Variants in BARX2 observed in about 807,000 individuals in gnomAD.
BARX2 encodes the protein BARX homeobox 2, also known as homeobox protein BarH-like 2.
BARX2 carries 11 observed loss-of-function variants against 25.5 expected under a neutral mutation model. The ratio of observed to expected loss-of-function variants is 0.43; its 90% CI spans 0.27 to 0.71. The LOEUF (loss-of-function observed/expected upper bound fraction) is 0.71. Ranked by LOEUF, BARX2 falls within the 30% of genes least tolerant of loss-of-function variation. BARX2 has a pLI of 0.19. For missense variants in BARX2, 360 were observed against 359.9 expected (o/e 1.00, Z 0.00); for synonymous variants, 137 against 149.5 (o/e 0.92, Z 0.61).
intron 1 of BARX2, among the ~76,000 whole-genome samples, chr11:129,416,345 C>T (rs1340290030): frequency 6.6e-6 from 1 of 152,084 alleles, no homozygotes; most frequent in Non-Finnish European, 1.5e-5. Context: ...GAAAGACTAC[C>T]AAAATGTTAG....
chr11:129,441,998 T>C (rs1862266936), intron 2 of BARX2, among the ~76,000 whole-genome samples: 3 of 152,208 alleles, frequency 2.0e-5, no homozygotes, highest in Admixed American at 2.0e-4. Flanking sequence ...CTTTGACTTT[T>C]AGGACTTTTC....
intron 1 of BARX2, among the ~76,000 whole-genome samples, chr11:129,432,355 C>T (rs1862139408): frequency 6.6e-6 from 1 of 152,230 alleles, no homozygotes; most frequent in Non-Finnish European, 1.5e-5. Flanking sequence ...AGCCACCACA[C>T]CCAGCCTCAT....
At chr11:129,396,384 C>G (rs1382344079) in intron 1 of BARX2, among the ~76,000 whole-genome samples, 1 of 151,668 alleles carries the variant, frequency 6.6e-6, no homozygotes, top group East Asian at 1.9e-4. Flanking sequence ...CCACTCCTCC[C>G]CACTCACCTT....
chr11:129,447,631 T>C (rs1862346287), intron 3 of BARX2, among the ~76,000 whole-genome samples: 1 of 152,168 alleles, frequency 6.6e-6, no homozygotes. Context: ...TTGCTTGTGC[T>C]GGAATGTTTT....
intron 1 of BARX2, among the ~76,000 whole-genome samples, chr11:129,410,037 T>C (rs1861870417): frequency 3.3e-5 from 5 of 152,196 alleles, no homozygotes; most frequent in African/African-American, 9.7e-5. Context: ...ATCTATAAAA[T>C]GGAATTATTG....
chr11:129,426,639 AGTGCTGGGATTATAGGC>A (rs1171156562), intron 1 of BARX2, among the ~76,000 whole-genome samples: 1 of 152,004 alleles, frequency 6.6e-6, no homozygotes, highest in Non-Finnish European at 1.5e-5. Context: ...AGCCTCCCAA[AGTGCTGGGATTATAGGC>A]GTGAGCCACC....
intron 1 of BARX2, among the ~76,000 whole-genome samples, chr11:129,379,755 T>C (rs1319240952): frequency 7.2e-5 from 11 of 151,792 alleles, no homozygotes. Flanking sequence ...CACATGAAGA[T>C]ACTGATAAAT....
At chr11:129,435,228 T>G (rs1425899775) in intron 1 of BARX2, among the ~76,000 whole-genome samples, 1 of 152,168 alleles carries the variant, frequency 6.6e-6, no homozygotes, top group African/African-American at 2.4e-5. Context: ...TTAAAAAGAA[T>G]CCACAGCACA....
At chr11:129,381,805 A>G (rs180797321) in intron 1 of BARX2, among the ~76,000 whole-genome samples, 1 of 152,334 alleles carries the variant, frequency 6.6e-6, no homozygotes, top group East Asian at 1.9e-4. Flanking sequence ...AGGAAAAAAA[A>G]GAAGGGAAGA....
intron 1 of BARX2, among the ~76,000 whole-genome samples, chr11:129,379,032 A>G (rs946355365): frequency 6.6e-6 from 1 of 152,168 alleles, no homozygotes; most frequent in African/African-American, 2.4e-5. Flanking sequence ...TCTAGCCTTG[A>G]TGGAATCCTC....
intron 3 of BARX2, among the ~76,000 whole-genome samples, chr11:129,447,498 GTGAATGGGCAGCTCC>G (rs1410700177): frequency 1.3e-5 from 2 of 152,190 alleles, no homozygotes; most frequent in African/African-American, 4.8e-5. Context: ...CAGGGTGCAT[GTGAATGGGCAGCTCC>G]TGATGGAGAG....
rs180927977 is a variant in BARX2, at chr11:129,385,335, T to A, written c.187+9113T>A. Among the ~76,000 whole-genome samples, 710 of 152,344 alleles carry A rather than the reference T, an allele frequency of 4.7e-3. 2 individuals carry two copies. Among genetic ancestry groups the A allele is most frequent in the Non-Finnish European group, 8.1e-3 (551 of 68,026 alleles). ...AAACCAGTGTATGAGTGTAAAAGGA[T>A]ACCTGTAAAAATGTTCACCTGTGTG... On this transcript the variant is annotated intron_variant, in intron 1 of 3. Transcript: ENST00000281437.
At position 129,435,967 on chromosome 11, in the gene BARX2, C is replaced by T. The variant is rs553685469; in HGVS notation, c.188-784C>T. On this transcript the variant is annotated intron_variant, in intron 1 of 3. Transcript: ENST00000281437. ...AATCGACCCAGCACCTTTTCCTCAG[C>T]CAAGCTCTGGCCAGCCTGAGAATCC... 1.8e-4 allele frequency among the ~76,000 whole-genome samples: 28 copies of T among 152,338 alleles called. No homozygotes were observed. In the South Asian group the frequency reaches 5.4e-3, roughly 29 times the overall value.
At chr11:129,424,555 GT>G (rs1299741352) in intron 1 of BARX2, among the ~76,000 whole-genome samples, 1 of 147,208 alleles carries the variant, frequency 6.8e-6, no homozygotes, top group African/African-American at 2.5e-5. Context: ...AGCTCACCCT[GT>G]CACCAGGCAC....
At chr11:129,396,764 C>A (rs61911190) in intron 1 of BARX2, among the ~76,000 whole-genome samples, 1 of 152,102 alleles carries the variant, frequency 6.6e-6, no homozygotes, top group African/African-American at 2.4e-5. Context: ...AGCTACAGGA[C>A]GTGGGATTTG....
chr11:129,426,876 G>C (rs1862069477), intron 1 of BARX2, among the ~76,000 whole-genome samples: 1 of 151,942 alleles, frequency 6.6e-6, no homozygotes, highest in Non-Finnish European at 1.5e-5. Flanking sequence ...AAGATGTCCA[G>C]CCAGGTGAGC....
chr11:129,427,737 T>C (rs1171513390), intron 1 of BARX2, among the ~76,000 whole-genome samples: 1 of 152,190 alleles, frequency 6.6e-6, no homozygotes. Context: ...GGTTCAAGTA[T>C]GGCTGTAGCT....
In BARX2 at chr11:129,436,326, A is replaced by C. The variant is rs187862875; in HGVS notation, c.188-425A>C. The stretch of plus-strand genomic sequence containing the variant: ...TCAGGAAGAATTCATAGCTACAAGC[A>C]TGTCTTTTTATAAAGACCACAGGTG... On this transcript the variant is annotated intron_variant, in intron 1 of 3. Coordinates refer to ENST00000281437, the MANE Select transcript of BARX2 (RefSeq NM_003658.5). This position sits in a 1 kb window ranked among gnomAD's most constrained non-coding sequence, Gnocchi z 4.5. 2.2e-3 allele frequency: 383 copies of C among 171,126 alleles called. 2 individuals are homozygous for C. Among genetic ancestry groups the C allele is most frequent in the African/African-American group, 8.7e-3 (368 of 42,494 alleles). 10.6% of individuals were successfully genotyped at this position (171,126 alleles called of 1,614,324 possible). A position where few individuals can be genotyped will look rare whatever the true frequency, so the allele number is the denominator to read the frequency against.
At position 129,407,478 on chromosome 11, in the gene BARX2, C is replaced by T. The variant is rs1021130089; in HGVS notation, c.188-29273C>T. Among the ~76,000 whole-genome samples, 5 of 152,156 alleles carry T rather than the reference C, an allele frequency of 3.3e-5. No homozygotes were observed. The East Asian group carries it at 9.6e-4, about 29-fold the overall frequency. ...TTTAAAACCTGACTTCAAAATTGGA[C>T]ATAACACTTTATGCACAGTCTATGC... On this transcript the variant is annotated intron_variant, in intron 1 of 3. Coordinates refer to ENST00000281437, the MANE Select transcript of BARX2 (RefSeq NM_003658.5).
Sources: gnomAD v4.1 joint callset for allele counts (sites outside exome capture counted in the v4.1 genomes callset) on GRCh38, gnomAD v4.1.1 for gene constraint, Gnocchi (gnomAD v3.1) non-coding constraint, MANE v1.5 for transcripts, NCBI Gene and HGNC (gene_info 2026-07-23, HGNC 2026-07-21) for gene names.